CTXND2: variants seen among roughly 807,000 people sequenced by gnomAD.
CTXND2 encodes cortexin domain containing 2.
At chr1:150,909,701 A>G (rs1329632017) in intron 1 of CTXND2, among the ~76,000 whole-genome samples, 1 of 152,180 alleles carries the variant, frequency 6.6e-6, no homozygotes, top group African/African-American at 2.4e-5. Context: ...AATTGTTACC[A>G]AAACACCAGG....
chr1:150,897,762 T>C (rs973790045), intron 1 of CTXND2, among the ~76,000 whole-genome samples: 1 of 152,186 alleles, frequency 6.6e-6, no homozygotes, highest in Non-Finnish European at 1.5e-5. Context: ...AAATAATATA[T>C]ATATACACCC....
intron 1 of CTXND2, among the ~76,000 whole-genome samples, chr1:150,899,235 C>T (rs1245025984): frequency 6.6e-6 from 1 of 152,044 alleles, no homozygotes; most frequent in East Asian, 1.9e-4. Context: ...GAGGCCAGAA[C>T]TTCAGCCTGG....
chr1:150,901,215 A>G (rs955144900), intron 1 of CTXND2, among the ~76,000 whole-genome samples: 1 of 152,202 alleles, frequency 6.6e-6, no homozygotes, highest in Non-Finnish European at 1.5e-5. Flanking sequence ...ATTCTTTGGA[A>G]GCTACAAAAC....
chr1:150,905,782 A>G (rs1669133771), intron 1 of CTXND2, among the ~76,000 whole-genome samples: 1 of 150,798 alleles, frequency 6.6e-6, no homozygotes, highest in Non-Finnish European at 1.5e-5. Context: ...CGAGGTCAGG[A>G]TATCGAGACC....
chr1:150,891,374 T>A (rs1180168043), intron 1 of CTXND2, among the ~76,000 whole-genome samples: 3 of 152,034 alleles, frequency 2.0e-5, no homozygotes, highest in Admixed American at 6.6e-5. Context: ...CCACCATGCC[T>A]GGCTAATTTT....
At chr1:150,887,500 C>G (rs1668789049) in intron 1 of CTXND2, among the ~76,000 whole-genome samples, 187 bp downstream of exon 1, 1 of 151,682 alleles carries the variant, frequency 6.6e-6, no homozygotes, top group Non-Finnish European at 1.5e-5. Context: ...GCTATGTTGC[C>G]CAGACTGAAC....
chr1:150,889,399 C>CAA (rs377253666), intron 1 of CTXND2, among the ~76,000 whole-genome samples: 15 of 76,168 alleles, frequency 2.0e-4, no homozygotes, highest in Admixed American at 4.7e-4. Context: ...GACTCTGTCT[C>CAA]AAAAAAAAAA....
intron 1 of CTXND2, among the ~76,000 whole-genome samples, chr1:150,910,495 G>T (rs1423408750): frequency 6.6e-6 from 1 of 152,008 alleles, no homozygotes; most frequent in Non-Finnish European, 1.5e-5. Flanking sequence ...CAAAATAAGG[G>T]TCTAACTTAA....
chr1:150,912,214 T>A, intron 1 of CTXND2, 28 bp from the exon 2 acceptor site: 1 of 397,612 alleles, frequency 2.5e-6, no homozygotes, highest in East Asian at 3.6e-5. Flanking sequence ...CACAAACCGA[T>A]AAGCCTGTTT....
At chr1:150,901,106 T>C (rs1000048275) in intron 1 of CTXND2, among the ~76,000 whole-genome samples, 7 of 152,114 alleles carry the variant, frequency 4.6e-5, no homozygotes, top group Non-Finnish European at 7.4e-5. Context: ...AGTGAGACCC[T>C]GTCTCAGAAA....
intron 1 of CTXND2, among the ~76,000 whole-genome samples, chr1:150,911,300 C>T (rs1438062181): frequency 6.6e-6 from 1 of 151,884 alleles, no homozygotes; most frequent in Non-Finnish European, 1.5e-5. Flanking sequence ...TGTACCAGTA[C>T]CATAGTTTTG....
intron 1 of CTXND2, among the ~76,000 whole-genome samples, chr1:150,890,769 C>T (rs759962580): frequency 1.8e-4 from 28 of 152,166 alleles, no homozygotes; most frequent in Non-Finnish European, 3.8e-4. Context: ...CCCCAAAGTG[C>T]TGGGATTACA....
At chr1:150,889,841 T>C (rs963189049) in intron 1 of CTXND2, among the ~76,000 whole-genome samples, 2 of 152,016 alleles carry the variant, frequency 1.3e-5, no homozygotes, top group Admixed American at 1.3e-4. Flanking sequence ...ATACATAAAA[T>C]ATGCCAGCCC....
At chr1:150,894,468 G>A (rs1668889191) in intron 1 of CTXND2, among the ~76,000 whole-genome samples, 1 of 152,160 alleles carries the variant, frequency 6.6e-6, no homozygotes, top group Admixed American at 6.5e-5. Context: ...TGAGAAGAAT[G>A]TGTGTTCTAT....
At chr1:150,902,508 C>T (rs1360903855) in intron 1 of CTXND2, among the ~76,000 whole-genome samples, 1 of 151,932 alleles carries the variant, frequency 6.6e-6, no homozygotes, top group Non-Finnish European at 1.5e-5. Context: ...ACAGAGGTTG[C>T]AGTAAACCAA....
chr1:150,898,931 A>ATAT (rs1553235144), intron 1 of CTXND2, among the ~76,000 whole-genome samples: 116 of 139,090 alleles, frequency 8.3e-4, no homozygotes, highest in African/African-American at 2.2e-3. Flanking sequence ...CAAAAAAAAA[A>ATAT]ATATATATAT....
chr1:150,889,997 G>A (rs1489197111), intron 1 of CTXND2, among the ~76,000 whole-genome samples: 1 of 152,004 alleles, frequency 6.6e-6, no homozygotes, highest in Non-Finnish European at 1.5e-5. Flanking sequence ...CCCGATACCT[G>A]AAAGAACAAA....
chr1:150,905,028 G>A (rs905551357), intron 1 of CTXND2, among the ~76,000 whole-genome samples: 3 of 147,796 alleles, frequency 2.0e-5, no homozygotes, highest in African/African-American at 7.5e-5. Flanking sequence ...TTAAAATTAT[G>A]TGTGATCATA....
chr1:150,902,161 G>A (rs587630913), intron 1 of CTXND2, among the ~76,000 whole-genome samples: 3 of 151,978 alleles, frequency 2.0e-5, no homozygotes, highest in Non-Finnish European at 2.9e-5. Context: ...CAGCACTTTG[G>A]GGGGCAGAGG....
Sources: allele counts gnomAD v4.1 joint callset (sites outside exome capture counted in the v4.1 genomes callset), GRCh38; gene constraint gnomAD v4.1.1; transcripts MANE v1.5; gene names NCBI Gene and HGNC (gene_info 2026-07-23, HGNC 2026-07-21).